The following RHOT1 variants were observed in gnomAD, a reference collection of about 807,000 sequenced individuals.
RHOT1 encodes ras homolog family member T1, also known as mitochondrial Rho GTPase 1.
RHOT1 carries 27 observed loss-of-function variants against 95.3 expected under a neutral mutation model. That is an observed-to-expected ratio of 0.28 (90% CI 0.21 to 0.39). The LOEUF is 0.39. Ranked by LOEUF, RHOT1 falls within the 10% of genes least tolerant of loss-of-function variation. The pLI is 1.00. For synonymous variants in RHOT1, 227 were observed against 263.5 expected, an observed-to-expected ratio of 0.86 and a Z score of 1.34; for missense variants, 578 against 786.7, an observed-to-expected ratio of 0.73 and a Z score of 3.17.
Position 32,175,323 on chromosome 17 carries a change from A to C in RHOT1, c.183A>C (p.Ala61=), listed in dbSNP as rs2034906487. Residue 61 remains alanine, a synonymous_variant, in exon 4 of 20, where the codon GCA becomes GCC. Coordinates refer to ENST00000545287, the MANE Select transcript of RHOT1 (RefSeq NM_001033566.3). ...TTGACTTCCTGTCATTTGTAGAAGC[A>C]GAACAGAGTGATGAACAACTTCATC... ...VPTHIVDYSE[A]EQSDEQLHQE... is the part of the protein sequence containing the mutation. The C allele has an allele frequency of 2.5e-6, 4 of 1,613,594 alleles. No individual in the cohort carries two copies. Among genetic ancestry groups the C allele is most frequent in the African/African-American group, 1.3e-5 (1 of 75,046 alleles).
At chr17:32,180,508 A>G (rs976224686) in intron 6 of RHOT1, among the ~76,000 whole-genome samples, 1 of 152,048 alleles carries the variant, frequency 6.6e-6, no homozygotes, top group Non-Finnish European at 1.5e-5. Flanking sequence ...ACCCAGGGAC[A>G]CAAACACTGT....
At chr17:32,181,042 T>A (rs1215826383) in intron 6 of RHOT1, among the ~76,000 whole-genome samples, 1 of 152,206 alleles carries the variant, frequency 6.6e-6, no homozygotes, top group Non-Finnish European at 1.5e-5. Flanking sequence ...GGAATTTATA[T>A]TTGGGCTATA....
intron 8 of RHOT1, among the ~76,000 whole-genome samples, chr17:32,191,404 A>G (rs568679960): frequency 2.2e-4 from 34 of 152,316 alleles, no homozygotes; most frequent in African/African-American, 7.0e-4. Context: ...ATAAAGATCT[A>G]TCTCCAAGCT....
At chr17:32,142,952 C>G (rs984798480) in intron 1 of RHOT1, 2 of 715,456 alleles carry the variant, frequency 2.8e-6, no homozygotes, top group Admixed American at 4.0e-5. Flanking sequence ...CACCTGGGCC[C>G]TCCAGAGATC....
At chr17:32,169,592 C>T (rs1330086666) in intron 1 of RHOT1, among the ~76,000 whole-genome samples, 3 of 152,098 alleles carry the variant, frequency 2.0e-5, no homozygotes, top group Non-Finnish European at 1.5e-5. Flanking sequence ...TTGGTTTATT[C>T]GTTTTTGGAG....
chr17:32,224,072 C>T (rs2038995711), intron 19 of RHOT1, among the ~76,000 whole-genome samples: 1 of 152,158 alleles, frequency 6.6e-6, no homozygotes, highest in Admixed American at 6.5e-5. Flanking sequence ...TAAATCTTCC[C>T]CTCCCCCTTC....
chr17:32,162,316 C>A (rs943178444), intron 1 of RHOT1, among the ~76,000 whole-genome samples: 4 of 152,142 alleles, frequency 2.6e-5, no homozygotes, highest in African/African-American at 9.7e-5. Flanking sequence ...TAGGAAATTC[C>A]AAGGGATTCT....
At chr17:32,183,658 C>T (rs1175650924) in intron 8 of RHOT1, among the ~76,000 whole-genome samples, 1 of 152,158 alleles carries the variant, frequency 6.6e-6, no homozygotes. Flanking sequence ...CAATGTAATA[C>T]AATGTGACTA....
chr17:32,211,973 G>A (rs2038166124), intron 19 of RHOT1, among the ~76,000 whole-genome samples: 1 of 152,174 alleles, frequency 6.6e-6, no homozygotes, highest in African/African-American at 2.4e-5. Flanking sequence ...GTATTCTTAT[G>A]CTGATCATGC....
At chr17:32,216,370 C>T (rs1255529329) in intron 19 of RHOT1, among the ~76,000 whole-genome samples, 1 of 151,864 alleles carries the variant, frequency 6.6e-6, no homozygotes, top group African/African-American at 2.4e-5. Flanking sequence ...GCGTGATTTC[C>T]TTTGTGCATA....
intron 19 of RHOT1, among the ~76,000 whole-genome samples, chr17:32,216,298 A>G (rs1266089369): frequency 6.6e-6 from 1 of 152,040 alleles, no homozygotes; most frequent in East Asian, 1.9e-4. Context: ...TTTGTGTATA[A>G]TCTCACCACT....
chr17:32,198,937 T>G lies in RHOT1; in HGVS notation c.870-10T>G. 6.4e-7 allele frequency: 1 copy of G among 1,572,234 alleles called. No homozygotes were observed. Among genetic ancestry groups the G allele is most frequent in the East Asian group, 2.2e-5 (1 of 44,556 alleles). ...TAATGATTTATTTTACTCTTGAATT[T>G]TTTCAACAGGCTGAAAATACCTCCT... On this transcript the variant is annotated splice_polypyrimidine_tract_variant and intron_variant, in intron 11 of 19. Transcript: ENST00000545287.
intron 19 of RHOT1, among the ~76,000 whole-genome samples, chr17:32,221,793 A>C (rs1323730418): frequency 6.6e-6 from 1 of 152,234 alleles, no homozygotes; most frequent in Non-Finnish European, 1.5e-5. Context: ...CAATAAGGTC[A>C]GTCAGAATAT....
rs879422634 is a variant in RHOT1 at position 32,142,653 on chromosome 17, C to A, written c.-40C>A. On this transcript the variant is annotated 5_prime_UTR_variant, in exon 1 of 20. Coordinates refer to ENST00000545287, the MANE Select transcript of RHOT1 (RefSeq NM_001033566.3). ...TGCTCCTGGTGAGAGGAGTCCACTC[C>A]GTGCGTGCGGGCGGAGGCCGGCCCC... 64 of 1,514,178 alleles carry A rather than the reference C, an allele frequency of 4.2e-5. No homozygotes were observed. Among genetic ancestry groups the A allele is most frequent in the Admixed American group, 1.1e-4 (5 of 46,584 alleles). The allele number at this position is 1,514,178 out of a possible 1,614,324, so 93.8% of individuals were successfully genotyped here.
chr17:32,218,090 T>C (rs1241502544), intron 19 of RHOT1, among the ~76,000 whole-genome samples: 1 of 151,966 alleles, frequency 6.6e-6, no homozygotes, highest in Admixed American at 6.6e-5. Context: ...CTCGAACTCC[T>C]AACCTCATGT....
rs571213141 is a variant in RHOT1 at position 32,157,911 on chromosome 17, G to A, written c.38-13132G>A. 2.0e-5 allele frequency among the ~76,000 whole-genome samples: 3 copies of A among 151,968 alleles called. No individual in the cohort carries two copies. The South Asian group carries it at 6.2e-4, about 32-fold the overall frequency. On this transcript the variant is annotated intron_variant, in intron 1 of 19. Transcript: ENST00000545287. ...GACCAAGTTATAGATTGGGTGTTTT[G>A]TTTTCCGACAAGGTCTTGCTCTTTC...
chr17:32,178,206 C>T (rs1174616504), intron 6 of RHOT1, among the ~76,000 whole-genome samples: 1 of 149,056 alleles, frequency 6.7e-6, no homozygotes, highest in Non-Finnish European at 1.5e-5. Flanking sequence ...AATGCCCTCC[C>T]CCCCCCCAGT....
chr17:32,142,994 G>A (rs2030627700), intron 1 of RHOT1: 2 of 703,696 alleles, frequency 2.8e-6, no homozygotes, highest in Admixed American at 2.0e-5. Flanking sequence ...GTCCTCCCAA[G>A]CCATGTCCCT....
Position 32,200,938 on chromosome 17 carries a change from A to G in RHOT1, c.1101-18A>G. On this transcript the variant is annotated intron_variant, in intron 13 of 19. Transcript: ENST00000545287. ...TCGTTTAGGAACTTTTCACATTTTA[A>G]ACTCTTTTCTTTCATAGGCTCACGA... The G allele has an allele frequency of 6.4e-7, 1 of 1,573,114 alleles. No individual in the cohort carries two copies. The highest frequency in any genetic ancestry group is 8.7e-7 in the Non-Finnish European group (1 of 1,145,478).
Sources: allele counts gnomAD v4.1 joint callset (sites outside exome capture counted in the v4.1 genomes callset), GRCh38; gene constraint gnomAD v4.1.1; transcripts MANE v1.5; gene names NCBI Gene and HGNC (gene_info 2026-07-23, HGNC 2026-07-21).